The following RBFOX2 variants were observed in gnomAD, a reference collection of about 807,000 sequenced individuals.
The protein encoded by RBFOX2 is RNA binding protein fox-1 homolog 2.
RBFOX2 carries 10 observed loss-of-function variants against 49.1 expected under a neutral mutation model. That is an observed-to-expected ratio of 0.20 (90% confidence interval 0.13 to 0.35). RBFOX2 has a LOEUF of 0.35. Among genes scored for constraint, RBFOX2 ranks in the 10% least tolerant of loss-of-function variants. The pLI, the probability that RBFOX2 is intolerant of heterozygous loss-of-function variation, is 1.00. For missense variants in RBFOX2, 323 were observed against 486.9 expected, an observed-to-expected ratio of 0.66 and a Z score of 3.17; for synonymous variants, 183 against 187.4, an observed-to-expected ratio of 0.98 and a Z score of 0.19.
chr22:35,829,381 T>C (rs756226757), intron 1 of RBFOX2, among the ~76,000 whole-genome samples: 9 of 151,208 alleles, frequency 6.0e-5, no homozygotes, highest in Non-Finnish European at 8.9e-5. Flanking sequence ...AGGAAAAAAA[T>C]GAACATGCTA....
chr22:35,796,984 G>T lies in RBFOX2; in HGVS notation c.252+12796C>A, dbSNP rs1381062801. Among the ~76,000 whole-genome samples, 6 of 151,976 alleles carry T rather than the reference G, an allele frequency of 3.9e-5. No homozygotes were observed. The South Asian group carries it at 1.2e-3, about 32-fold the overall frequency. On this transcript the variant is annotated intron_variant, in intron 2 of 11. Transcript: ENST00000405409. ...AGGCCCACTTCATTTTCAAGAAAAT[G>T]GTGTATAATGTAAATACTTTCTTTC... is the stretch of plus-strand genomic sequence containing the variant.
intron 1 of RBFOX2, among the ~76,000 whole-genome samples, chr22:36,008,568 G>A (rs1218156032): frequency 6.6e-6 from 1 of 152,156 alleles, no homozygotes; most frequent in Non-Finnish European, 1.5e-5. Flanking sequence ...TGTAATCCCA[G>A]CACTTTGGGA....
At chr22:35,958,950 T>C (rs765923534) in intron 1 of RBFOX2, among the ~76,000 whole-genome samples, 7 of 148,778 alleles carry the variant, frequency 4.7e-5, no homozygotes, top group East Asian at 2.0e-4. Flanking sequence ...CAGAAACAGA[T>C]AGAGAAAACT....
chr22:35,746,035 G>A, intron 10 of RBFOX2, 40 bp from the exon 13 acceptor site: 1 of 1,546,120 alleles, frequency 6.5e-7, no homozygotes, highest in Non-Finnish European at 8.9e-7. Flanking sequence ...AAAGAAAAGT[G>A]TATGATCTAA....
chr22:35,760,544 A>G (rs188487590), intron 8 of RBFOX2, among the ~76,000 whole-genome samples: 2 of 152,320 alleles, frequency 1.3e-5, no homozygotes, highest in East Asian at 1.9e-4. Context: ...ATTTCATTTC[A>G]TTAGTCAATT....
intron 1 of RBFOX2, among the ~76,000 whole-genome samples, chr22:35,859,601 GA>G (rs1432705672): frequency 6.6e-6 from 1 of 152,226 alleles, no homozygotes; most frequent in Non-Finnish European, 1.5e-5. Context: ...GTAAACCATG[GA>G]ATGGCTGATA....
At chr22:35,826,754 TA>T (rs1341176827) in intron 1 of RBFOX2, among the ~76,000 whole-genome samples, 1 of 152,194 alleles carries the variant, frequency 6.6e-6, no homozygotes, top group East Asian at 1.9e-4. Flanking sequence ...TTTTTTCCTA[TA>T]CATATATAAC....
rs558806996 is a variant in RBFOX2 at position 35,930,811 on chromosome 22, C to T, written c.-34+8036G>A. 3.3e-5 allele frequency among the ~76,000 whole-genome samples: 5 copies of T among 152,196 alleles called. No individual in the cohort carries two copies. The South Asian group carries it at 1.0e-3, about 32-fold the overall frequency. On this transcript the variant is annotated intron_variant, in intron 1 of 13. Transcript: ENST00000359369. ...CACACCTGCACTCCTGCCTGGGCAA[C>T]ACAACAAGACCTTGTCTCAAAAAAT...
chr22:35,799,576 C>T (rs1949392868), intron 2 of RBFOX2, among the ~76,000 whole-genome samples: 2 of 152,172 alleles, frequency 1.3e-5, no homozygotes, highest in African/African-American at 4.8e-5. Flanking sequence ...GCGAAATATA[C>T]TTAAATGGAG....
At chr22:36,027,902 G>T (rs1251077472) in intron 1 of RBFOX2, among the ~76,000 whole-genome samples, 1 of 152,092 alleles carries the variant, frequency 6.6e-6, no homozygotes, top group Non-Finnish European at 1.5e-5. Flanking sequence ...AGAGAAGCCA[G>T]GATTTCCCGG....
chr22:35,953,795 T>C (rs1391567415), intron 1 of RBFOX2, among the ~76,000 whole-genome samples: 1 of 152,102 alleles, frequency 6.6e-6, no homozygotes, highest in African/African-American at 2.4e-5. Flanking sequence ...ACAATAAATA[T>C]AGACACAAAA....
intron 1 of RBFOX2, among the ~76,000 whole-genome samples, chr22:35,961,181 G>A (rs371646009): frequency 6.6e-6 from 1 of 152,122 alleles, no homozygotes; most frequent in Non-Finnish European, 1.5e-5. Context: ...AGGCATTAAT[G>A]AAGCATTTAA....
chr22:35,955,171 G>A (rs891068102), intron 1 of RBFOX2, among the ~76,000 whole-genome samples: 1 of 152,186 alleles, frequency 6.6e-6, no homozygotes, highest in African/African-American at 2.4e-5. Context: ...CTACTGAAAT[G>A]AAAGATTAGA....
At chr22:35,742,089 TCTAA>T (rs1170936615) in exon 12 of RBFOX2, 1 of 152,180 alleles carries the variant, frequency 6.6e-6, no homozygotes, top group East Asian at 1.9e-4. Context: ...TCCCCGCTCC[TCTAA>T]CTAAAATATT....
intron 1 of RBFOX2, among the ~76,000 whole-genome samples, chr22:35,857,621 A>G (rs2042657057): frequency 6.6e-6 from 1 of 152,200 alleles, no homozygotes; most frequent in Non-Finnish European, 1.5e-5. Flanking sequence ...CAAAGAGAAA[A>G]GGAGAAATAG....
chr22:35,915,647 T>G (rs2050328501), intron 1 of RBFOX2, among the ~76,000 whole-genome samples: 2 of 152,296 alleles, frequency 1.3e-5, no homozygotes, highest in East Asian at 1.9e-4. Flanking sequence ...GATGAAGAGC[T>G]ACAGTTAAAC....
chr22:35,773,349 T>C (rs534572815), intron 4 of RBFOX2, among the ~76,000 whole-genome samples: 1 of 152,046 alleles, frequency 6.6e-6, no homozygotes, highest in Non-Finnish European at 1.5e-5. Context: ...AAGCCCAACC[T>C]AAACCTAGAT....
intron 2 of RBFOX2, among the ~76,000 whole-genome samples, chr22:35,793,994 A>G (rs1239749797): frequency 6.6e-6 from 1 of 152,222 alleles, no homozygotes; most frequent in East Asian, 1.9e-4. Context: ...TCATTTTTTT[A>G]AACAGGAGTA....
At chr22:36,001,066 G>A (rs1445557881) in intron 1 of RBFOX2, among the ~76,000 whole-genome samples, 12 of 152,030 alleles carry the variant, frequency 7.9e-5, no homozygotes, top group Non-Finnish European at 2.9e-5. Context: ...GGAAAGCACA[G>A]AAAGCTATTT....
Sources: allele counts gnomAD v4.1 joint callset (sites outside exome capture counted in the v4.1 genomes callset), GRCh38; gene constraint gnomAD v4.1.1; transcripts MANE v1.5; gene names NCBI Gene and HGNC (gene_info 2026-07-23, HGNC 2026-07-21).